The following MED29 variants were observed in gnomAD, a reference collection of about 807,000 sequenced individuals.
MED29 encodes mediator of RNA polymerase II transcription subunit 29.
Under a neutral mutation model 22.0 loss-of-function variants are expected in MED29, and 14 were observed. The observed-to-expected ratio is 0.64, with a 90% CI of 0.42 to 0.99. The LOEUF is 0.99. Ranked by LOEUF, MED29 falls within the 50% of genes least tolerant of loss-of-function variation. The pLI, the probability that MED29 is intolerant of heterozygous loss-of-function variation, is 0.00. For missense variants in MED29, 241 were observed against 253.7 expected (o/e 0.95, Z 0.34); for synonymous variants, 123 against 107.8 (o/e 1.14, Z -0.87).
At chr19:39,392,843 C>T in intron 2 of MED29, 1 of 277,130 alleles carries the variant, frequency 3.6e-6, no homozygotes, top group South Asian at 7.9e-5. Flanking sequence ...CTATGTTTCC[C>T]AGGCTGGTCT....
At chr19:39,395,715 G>A (rs993069304) in intron 3 of MED29, among the ~76,000 whole-genome samples, 7 of 151,808 alleles carry the variant, frequency 4.6e-5, no homozygotes. Flanking sequence ...TCAGGAGATC[G>A]AGACCATCCT....
At chr19:39,392,545 G>C (rs2078394975) in intron 2 of MED29, 23 bp downstream of exon 2, 2 of 1,608,808 alleles carry the variant, frequency 1.2e-6, no homozygotes, top group Non-Finnish European at 1.7e-6. Context: ...CCCTTTACCA[G>C]GATATTCTAT....
In MED29 at chr19:39,397,694, C is replaced by G. The variant is rs1279550782; in HGVS notation, c.598C>G (p.Leu200Val). 6 of 1,608,064 alleles carry G rather than the reference C, an allele frequency of 3.7e-6. No homozygotes were observed. The highest frequency in any genetic ancestry group is 2.2e-5 in the East Asian group (1 of 44,860). The change falls in exon 4 of 4, where the codon CTG becomes GTG. Residue 200 changes from leucine to valine, a missense_variant. Transcript: ENST00000315588. ...ACCACCTGCTGGCCCTGGGGGCACT[C>G]TGTGAAGTGGGGGACAGGGAGTGGG... ...PAPPAGPGGT[L>V]
chr19:39,398,790 A>G lies in MED29; in HGVS notation c.*1091A>G, dbSNP rs1226176288. 1 of 152,288 alleles carries G rather than the reference A, an allele frequency of 6.6e-6. No homozygotes were observed. Among genetic ancestry groups the G allele is most frequent in the Non-Finnish European group, 1.5e-5 (1 of 68,120 alleles). The allele number at this position is 152,288 out of a possible 1,614,324, so 9.4% of individuals were successfully genotyped here. On this transcript the variant is annotated 3_prime_UTR_variant, in exon 4 of 4. Coordinates refer to ENST00000315588, the MANE Select transcript of MED29 (RefSeq NM_017592.4). The stretch of plus-strand genomic sequence containing the variant: ...CTCAGCCTGGTTGGAGAACTGCCCC[A>G]CCCAGTATCTTCTGTGCCATGGTTC...
At chr19:39,391,759 C>T in intron 1 of MED29, 121 bp downstream of exon 1, 1 of 1,225,678 alleles carries the variant, frequency 8.2e-7, no homozygotes, top group Non-Finnish European at 1.1e-6. Flanking sequence ...CTGTTTTGGC[C>T]TGGCTGGTGC....
chr19:39,392,551 T>C, intron 2 of MED29, 29 bp downstream of exon 2: 2 of 1,591,418 alleles, frequency 1.3e-6, no homozygotes, highest in Non-Finnish European at 1.7e-6. Flanking sequence ...ACCAGGATAT[T>C]CTATTGCCTT....
chr19:39,392,547 A>G, intron 2 of MED29, 25 bp downstream of exon 2: 1 of 1,604,592 alleles, frequency 6.2e-7, no homozygotes, highest in Non-Finnish European at 8.5e-7. Context: ...CTTTACCAGG[A>G]TATTCTATTG....
Position 39,397,791 on chromosome 19 carries a change from C to T in MED29, c.*92C>T, listed in dbSNP as rs753661254. Reference sequence around the variant, plus strand: ...CTGGGCCTAAACACAGCAGCCTCCTCTCTTCCTGCCTGAGCACCGCAGCGG... The same window carrying T: ...CTGGGCCTAAACACAGCAGCCTCCTTTCTTCCTGCCTGAGCACCGCAGCGG... On this transcript the variant is annotated 3_prime_UTR_variant, in exon 4 of 4. Coordinates refer to ENST00000315588, the MANE Select transcript of MED29 (RefSeq NM_017592.4). 1.3e-6 allele frequency: 2 copies of T among 1,502,810 alleles called. No homozygotes were observed. The allele number at this position is 1,502,810 out of a possible 1,614,324, so 93.1% of individuals were successfully genotyped here. A position where few individuals can be genotyped will look rare whatever the true frequency, so the allele number is the denominator to read the frequency against.
intron 2 of MED29, 151 bp from the exon 3 acceptor site, chr19:39,393,402 T>C (rs1424259334): frequency 5.5e-6 from 4 of 725,504 alleles, no homozygotes; most frequent in Admixed American, 2.5e-5. Context: ...AGCCTCCTTT[T>C]CTTTTTTTTT....
At chr19:39,396,920 C>T (rs1432602654) in intron 3 of MED29, among the ~76,000 whole-genome samples, 3 of 150,816 alleles carry the variant, frequency 2.0e-5, no homozygotes, top group African/African-American at 7.3e-5. Flanking sequence ...CCCAGCTACT[C>T]GGGAGGCTGA....
chr19:39,395,829 A>G lies in MED29; in HGVS notation c.361-1628A>G, dbSNP rs182250621. ...CTACTAGGGAGGCTGAGGCAGGAGA[A>G]TGGCATGAACCCGGGAGGCAGAGCT... On this transcript the variant is annotated intron_variant, in intron 3 of 3. Coordinates refer to ENST00000315588, the MANE Select transcript of MED29 (RefSeq NM_017592.4). Among the ~76,000 whole-genome samples the G allele has an allele frequency of 3.5e-3, 533 of 152,080 alleles. 4 individuals carry two copies. The highest frequency in any genetic ancestry group is 0.012 in the African/African-American group (505 of 41,504).
intron 3 of MED29, 28 bp from the exon 4 acceptor site, chr19:39,397,429 T>TG (rs2078434399): frequency 6.3e-7 from 1 of 1,593,024 alleles, no homozygotes; most frequent in African/African-American, 1.3e-5. Flanking sequence ...GTGGAGCTGA[T>TG]GCTGTCCCCT....
At chr19:39,392,066 A>G (rs1018760764) in intron 1 of MED29, among the ~76,000 whole-genome samples, 1 of 152,190 alleles carries the variant, frequency 6.6e-6, no homozygotes, top group Non-Finnish European at 1.5e-5. Context: ...GTTTTCTGCG[A>G]GACCTAAGCG....
At position 39,399,627 on chromosome 19, in the gene MED29, CAT is replaced by C. The variant is rs2078450788; in HGVS notation, c.*1930_*1931del. 1 of 152,382 alleles carries C rather than the reference CAT, an allele frequency of 6.6e-6. No individual in the cohort carries two copies. The highest frequency in any genetic ancestry group is 2.1e-4 in the South Asian group (1 of 4,840). 9.4% of individuals were successfully genotyped at this position (152,382 alleles called of 1,614,324 possible). ...CTTAATCTCCAAATAAGTACGATAA[CAT>C]AGTCATAGTCCCACCCAACATGATG... is the stretch of plus-strand genomic sequence containing the variant. On this transcript the variant is annotated 3_prime_UTR_variant, in exon 4 of 4. Coordinates refer to ENST00000315588, the MANE Select transcript of MED29 (RefSeq NM_017592.4).
chr19:39,397,558 C>G lies in MED29; in HGVS notation c.462C>G (p.Ser154Arg). Residue 154 changes from serine (S) to arginine (R), a missense_variant, in exon 4 of 4, where the codon AGC (serine) becomes AGG (arginine). By Grantham distance (110) the Ser-to-Arg change is moderately radical. Coordinates refer to ENST00000315588, the MANE Select transcript of MED29 (RefSeq NM_017592.4). ...AGCCCGACGCAGTGCAGCCTGACAGCCTCCCCTACCCACAGTACCTGGCGG... is the reference window on the plus strand; with the variant it reads ...AGCCCGACGCAGTGCAGCCTGACAGGCTCCCCTACCCACAGTACCTGGCGG... ...ATKPDAVQPD[S>R]LPYPQYLAVI... 1 of 1,613,630 alleles carries G rather than the reference C, an allele frequency of 6.2e-7. No homozygotes were observed. The highest frequency in any genetic ancestry group is 2.2e-5 in the East Asian group (1 of 44,890).
intron 3 of MED29, among the ~76,000 whole-genome samples, chr19:39,394,681 A>G (rs1376469566): frequency 1.4e-5 from 2 of 145,124 alleles, no homozygotes; most frequent in Non-Finnish European, 3.0e-5. Flanking sequence ...CTCTTGCCTC[A>G]GCCTCCTGAG....
chr19:39,391,674 T>C (rs1005494447), intron 1 of MED29, 36 bp downstream of exon 1: 9 of 1,543,408 alleles, frequency 5.8e-6, no homozygotes, highest in Non-Finnish European at 7.9e-6. Flanking sequence ...CAAACTGGAT[T>C]TGGTAGTCTA....
chr19:39,391,469 G>T lies in MED29; in HGVS notation c.47G>T (p.Gly16Val), dbSNP rs1209549214. ...GCTTCAGCGGCTTCCTCAGCTGCTG[G>T]TGTATCGGGTCCTAGTTCGGCTGGC... ...QQASAASSAA[G>V]VSGPSSAGGP... Residue 16 changes from glycine (G) to valine (V), a missense_variant, in exon 1 of 4, where the codon GGT becomes GTT. By Grantham distance (109) the Gly-to-Val change is moderately radical. Coordinates refer to ENST00000315588, the MANE Select transcript of MED29 (RefSeq NM_017592.4). The T allele has an allele frequency of 1.2e-6, 2 of 1,613,454 alleles. No homozygotes were observed. The highest frequency in any genetic ancestry group is 1.3e-5 in the African/African-American group (1 of 74,936).
Position 39,392,541 on chromosome 19 carries a change from A to C in MED29, c.275+19A>C, listed in dbSNP as rs1375992744. The C allele has an allele frequency of 6.2e-7, 1 of 1,610,506 alleles. No individual in the cohort carries two copies. Among genetic ancestry groups the C allele is most frequent in the Non-Finnish European group, 8.5e-7 (1 of 1,177,662 alleles). On this transcript the variant is annotated intron_variant, in intron 2 of 3. Coordinates refer to ENST00000315588, the MANE Select transcript of MED29 (RefSeq NM_017592.4). ...ATGGACAGTGAGTGCAGCCCCCTTTACCAGGATATTCTATTGCCTTCCCAG... is the reference window on the plus strand; with the variant it reads ...ATGGACAGTGAGTGCAGCCCCCTTTCCCAGGATATTCTATTGCCTTCCCAG...
Sources: gnomAD v4.1 joint callset for allele counts (sites outside exome capture counted in the v4.1 genomes callset) on GRCh38, gnomAD v4.1.1 for gene constraint, MANE v1.5 for transcripts, NCBI Gene and HGNC (gene_info 2026-07-23, HGNC 2026-07-21) for gene names.